Variants in GUCY1A2 observed in about 807,000 individuals in gnomAD.
The protein encoded by GUCY1A2 is guanylate cyclase soluble subunit alpha-2.
In GUCY1A2, 27 loss-of-function variants were observed where a neutral mutation model predicts 63.5. The ratio of observed to expected loss-of-function variants is 0.43; its 90% CI spans 0.31 to 0.59. The LOEUF (loss-of-function observed/expected upper bound fraction) is 0.59, where lower values mean the gene tolerates loss of function less well. Among genes scored for constraint, GUCY1A2 ranks in the 20% least tolerant of loss-of-function variants. GUCY1A2 has a pLI of 0.11. For missense variants in GUCY1A2, 768 were observed against 913.3 expected (o/e 0.84, Z 2.05); for synonymous variants, 364 against 343.5 (o/e 1.06, Z -0.66).
intron 4 of GUCY1A2, among the ~76,000 whole-genome samples, chr11:106,905,199 G>T (rs919352999): frequency 1.3e-5 from 2 of 152,006 alleles, no homozygotes; most frequent in African/African-American, 4.8e-5. Context: ...AACAAAAATA[G>T]ACTGTTATAA....
rs957858802 is a variant in GUCY1A2 at position 106,685,847 on chromosome 11, C to T, written c.*1702G>A. 4.4e-6 allele frequency: 1 copy of T among 226,414 alleles called. No individual in the cohort carries two copies. Among genetic ancestry groups the T allele is most frequent in the Admixed American group, 5.7e-5 (1 of 17,584 alleles). The allele number at this position is 226,414 out of a possible 1,614,324, so 14.0% of individuals were successfully genotyped here. A position where few individuals can be genotyped will look rare whatever the true frequency, so the allele number is the denominator to read the frequency against. On this transcript the variant is annotated 3_prime_UTR_variant, in exon 8 of 8. Coordinates refer to ENST00000526355, the MANE Select transcript of GUCY1A2 (RefSeq NM_000855.3). ...GTAAACCCCCAGGGCAAGAAAATAACTCAAATTATAAAAGGGATCAGGATT... is the reference window on the plus strand; with the variant it reads ...GTAAACCCCCAGGGCAAGAAAATAATTCAAATTATAAAAGGGATCAGGATT...
intron 7 of GUCY1A2, among the ~76,000 whole-genome samples, chr11:106,691,986 C>T (rs973976474): frequency 2.0e-5 from 3 of 152,098 alleles, no homozygotes; most frequent in Admixed American, 1.3e-4. Context: ...TTTCACACAG[C>T]ATGCCTGTTG....
At chr11:106,805,730 C>T (rs1172761158) in intron 5 of GUCY1A2, among the ~76,000 whole-genome samples, 1 of 152,136 alleles carries the variant, frequency 6.6e-6, no homozygotes, top group Non-Finnish European at 1.5e-5. Flanking sequence ...TGGCTGGTTT[C>T]TAACAAAGAG....
chr11:106,721,888 T>C (rs904779495), intron 6 of GUCY1A2, among the ~76,000 whole-genome samples: 1 of 152,184 alleles, frequency 6.6e-6, no homozygotes, highest in Admixed American at 6.5e-5. Context: ...TATGCCTATG[T>C]TGCACCCATA....
chr11:106,699,839 T>G (rs980677866), intron 7 of GUCY1A2, among the ~76,000 whole-genome samples: 3 of 151,924 alleles, frequency 2.0e-5, no homozygotes, highest in African/African-American at 7.3e-5. Flanking sequence ...TGGAGTGCAG[T>G]GGCGCCATCT....
At chr11:106,714,630 G>A (rs2135357174) in intron 6 of GUCY1A2, among the ~76,000 whole-genome samples, 1 of 152,318 alleles carries the variant, frequency 6.6e-6, no homozygotes, top group African/African-American at 2.4e-5. Context: ...CATCTGGCCA[G>A]TATGCTCTAG....
intron 3 of GUCY1A2, among the ~76,000 whole-genome samples, chr11:106,966,906 G>A (rs1405367124): frequency 6.6e-6 from 1 of 151,852 alleles, no homozygotes; most frequent in East Asian, 1.9e-4. Context: ...GTAAGATTGA[G>A]AATAAGAATA....
intron 6 of GUCY1A2, among the ~76,000 whole-genome samples, chr11:106,732,327 C>T (rs542921263): frequency 6.6e-6 from 1 of 152,162 alleles, no homozygotes; most frequent in South Asian, 2.1e-4. Flanking sequence ...TAGCCATATG[C>T]AGAAGACTTA....
In GUCY1A2 at chr11:106,677,407, T is replaced by C. The variant is rs1380054468; in HGVS notation, c.*10142A>G. 3 of 209,074 alleles carry C rather than the reference T, an allele frequency of 1.4e-5. No individual in the cohort carries two copies. The highest frequency in any genetic ancestry group is 1.9e-5 in the Non-Finnish European group (2 of 102,646). The allele number at this position is 209,074 out of a possible 1,614,324, so 13.0% of individuals were successfully genotyped here. ...GATATTTGGACTCTTGCATGGTTTC[T>C]CATTAGCACAAAAAATATACTAATG... On this transcript the variant is annotated 3_prime_UTR_variant, in exon 8 of 8. Transcript: ENST00000526355.
chr11:106,728,801 C>A (rs1383520635), intron 6 of GUCY1A2, among the ~76,000 whole-genome samples: 1 of 152,120 alleles, frequency 6.6e-6, no homozygotes, highest in African/African-American at 2.4e-5. Context: ...GGGACTATCT[C>A]TATTTATCTT....
At chr11:107,009,235 A>G (rs1209671264) in intron 1 of GUCY1A2, among the ~76,000 whole-genome samples, 13 of 152,162 alleles carry the variant, frequency 8.5e-5, no homozygotes, top group Non-Finnish European at 1.9e-4. Flanking sequence ...GGCCCTATAT[A>G]TCTGATATCT....
chr11:106,958,054 T>C (rs979494981), intron 3 of GUCY1A2, among the ~76,000 whole-genome samples: 1 of 152,156 alleles, frequency 6.6e-6, no homozygotes, highest in Non-Finnish European at 1.5e-5. Flanking sequence ...TAGTATGTTA[T>C]TGTGTTTCCA....
rs530062201 is a variant in GUCY1A2 at position 106,704,279 on chromosome 11, T to C, written c.1991+4233A>G. 2.6e-5 allele frequency among the ~76,000 whole-genome samples: 4 copies of C among 152,328 alleles called. No homozygotes were observed. The East Asian group carries it at 7.7e-4, about 29-fold the overall frequency. ...TGAAGCAGTAAATGAATGTCTAATA[T>C]GTTCCAAGTATAAGGAGCTTTAAAA... On this transcript the variant is annotated intron_variant, in intron 7 of 7. Coordinates refer to ENST00000526355, the MANE Select transcript of GUCY1A2 (RefSeq NM_000855.3).
At chr11:106,694,915 G>C (rs1862690607) in intron 7 of GUCY1A2, among the ~76,000 whole-genome samples, 1 of 152,048 alleles carries the variant, frequency 6.6e-6, no homozygotes, top group East Asian at 1.9e-4. Context: ...ATACCCTAGA[G>C]TATTTTCTAC....
At chr11:106,982,580 T>G (rs1019972201) in intron 2 of GUCY1A2, among the ~76,000 whole-genome samples, 1 of 152,176 alleles carries the variant, frequency 6.6e-6, no homozygotes, top group Non-Finnish European at 1.5e-5. Context: ...GATTGGAGTT[T>G]GAGGTAGGTG....
At chr11:107,017,061 C>T (rs188492237) in intron 1 of GUCY1A2, among the ~76,000 whole-genome samples, 1 of 151,872 alleles carries the variant, frequency 6.6e-6, no homozygotes, top group Admixed American at 6.6e-5. Flanking sequence ...AAAAAGAAAT[C>T]CAGACACCAG....
intron 4 of GUCY1A2, among the ~76,000 whole-genome samples, chr11:106,872,957 T>C (rs2135465638): frequency 6.6e-6 from 1 of 152,222 alleles, no homozygotes; most frequent in Admixed American, 6.5e-5. Flanking sequence ...TGTGTTTTGT[T>C]CCCCTCCCTG....
intron 6 of GUCY1A2, among the ~76,000 whole-genome samples, chr11:106,724,861 C>G (rs1388972293): frequency 1.3e-5 from 2 of 152,164 alleles, no homozygotes; most frequent in East Asian, 3.9e-4. Flanking sequence ...CATCTATTAT[C>G]TCATTTGATT....
At chr11:106,977,849 T>C (rs1861282274) in intron 3 of GUCY1A2, among the ~76,000 whole-genome samples, 2 of 152,088 alleles carry the variant, frequency 1.3e-5, no homozygotes, top group Admixed American at 6.5e-5. Flanking sequence ...ATCTGGGTCA[T>C]AAAGAAAAAA....
Sources: gnomAD v4.1 joint callset for allele counts (sites outside exome capture counted in the v4.1 genomes callset) on GRCh38, gnomAD v4.1.1 for gene constraint, MANE v1.5 for transcripts, NCBI Gene and HGNC (gene_info 2026-07-23, HGNC 2026-07-21) for gene names.